The following SUPT3H variants were observed in gnomAD, a reference collection of about 807,000 sequenced individuals.
The protein encoded by SUPT3H is SPT3 homolog, SAGA and STAGA complex component.
A neutral mutation model predicts 44.3 loss-of-function variants in SUPT3H; 44 were observed. That is an observed-to-expected ratio of 0.99 (90% CI 0.78 to 1.28). SUPT3H has a LOEUF of 1.28. Ranked by LOEUF, SUPT3H falls within the 50% of genes most tolerant of loss-of-function variation. SUPT3H has a pLI of 0.00. For missense variants in SUPT3H, 380 were observed against 387.1 expected (o/e 0.98, Z 0.15); for synonymous variants, 124 against 125.6 (o/e 0.99, Z 0.09).
intron 5 of SUPT3H, among the ~76,000 whole-genome samples, chr6:45,004,255 G>A (rs1391521158): frequency 6.6e-6 from 1 of 151,544 alleles, no homozygotes; most frequent in East Asian, 1.9e-4. Context: ...AAGGAGACAG[G>A]GTGAAATACT....
At chr6:45,302,841 GCAC>G (rs1327868363) in intron 2 of SUPT3H, among the ~76,000 whole-genome samples, 1 of 151,952 alleles carries the variant, frequency 6.6e-6, no homozygotes, top group Non-Finnish European at 1.5e-5. Context: ...CACATCCATG[GCAC>G]CATCTATTAA....
At chr6:44,868,537 G>A (rs551154681) in intron 10 of SUPT3H, among the ~76,000 whole-genome samples, 17 of 143,850 alleles carry the variant, frequency 1.2e-4, no homozygotes, top group Non-Finnish European at 2.5e-4. Context: ...GTCCTGTCTT[G>A]TCCATTTTGT....
intron 2 of SUPT3H, among the ~76,000 whole-genome samples, chr6:45,332,931 C>T (rs1023094548): frequency 1.3e-4 from 19 of 151,610 alleles, no homozygotes; most frequent in African/African-American, 3.6e-4. Flanking sequence ...TACCAATGAA[C>T]GCTGCAACTT....
At chr6:44,991,824 C>A (rs1380263484) in intron 6 of SUPT3H, among the ~76,000 whole-genome samples, 1 of 152,016 alleles carries the variant, frequency 6.6e-6, no homozygotes, top group African/African-American at 2.4e-5. Context: ...CTGTTAATTC[C>A]ACTAAATAAA....
intron 2 of SUPT3H, among the ~76,000 whole-genome samples, chr6:45,146,769 C>T (rs1467005834): frequency 2.0e-5 from 3 of 152,012 alleles, no homozygotes; most frequent in Non-Finnish European, 4.4e-5. Context: ...CTAACTCACA[C>T]CTGAATCTGG....
chr6:44,932,873 G>GA lies in SUPT3H; in HGVS notation c.802-111dup, dbSNP rs1185284194. On this transcript the variant is annotated intron_variant, in intron 9 of 10. Transcript: ENST00000371459. ...CAAAAGAGACCGGTTTTTCCCTTAG[G>GA]ATGCACATCACTACTGCCATATACT... is the stretch of plus-strand genomic sequence containing the variant. 4.4e-5 allele frequency: 26 copies of GA among 592,336 alleles called. No individual in the cohort carries two copies. The East Asian group carries it at 7.6e-4, about 17-fold the overall frequency. The allele number at this position is 592,336 out of a possible 1,614,324, so 36.7% of individuals were successfully genotyped here.
At position 44,932,697 on chromosome 6, in the gene SUPT3H, T is replaced by C. The variant is rs144405071; in HGVS notation, c.868A>G (p.Ile290Val). 335 of 1,612,020 alleles carry C rather than the reference T, an allele frequency of 2.1e-4. No homozygotes were observed. The African/African-American group carries it at 2.9e-3, about 14-fold the overall frequency. ...CCAATCCTGTGGCTGTAGCGTCGAA[T>C]GGCCTCTCTGATGTGGCAGGGCTGG... is the stretch of plus-strand genomic sequence containing the variant. ...AIQPCHIREA[I>V]RRYSHRIGPL... The change falls in exon 10 of 11, where the codon ATT (isoleucine) becomes GTT (valine). Residue 290 changes from isoleucine (I) to valine (V), a missense_variant. Physicochemically the swap from Ile to Val is conservative, Grantham distance 29. Coordinates refer to ENST00000371459, the MANE Select transcript of SUPT3H (RefSeq NM_003599.4).
intron 2 of SUPT3H, among the ~76,000 whole-genome samples, chr6:45,314,747 T>C (rs1220526092): frequency 6.6e-6 from 1 of 151,942 alleles, no homozygotes; most frequent in African/African-American, 2.4e-5. Flanking sequence ...GCAATCCCCA[T>C]CAAAATAGCA....
At chr6:45,077,271 T>C (rs1016676387) in intron 3 of SUPT3H, among the ~76,000 whole-genome samples, 1 of 152,076 alleles carries the variant, frequency 6.6e-6, no homozygotes, top group Non-Finnish European at 1.5e-5. Flanking sequence ...ATCCTCTCTA[T>C]TGAGATAGAA....
At chr6:45,263,934 A>G (rs887723419) in intron 2 of SUPT3H, among the ~76,000 whole-genome samples, 1 of 152,154 alleles carries the variant, frequency 6.6e-6, no homozygotes, top group Non-Finnish European at 1.5e-5. Flanking sequence ...CTGATCAGTA[A>G]CTTGTACTTA....
intron 2 of SUPT3H, among the ~76,000 whole-genome samples, chr6:45,246,279 T>A (rs1771329149): frequency 6.6e-6 from 1 of 152,192 alleles, no homozygotes. Flanking sequence ...ATTTTAATGA[T>A]GTCTAATTTT....
chr6:45,141,271 C>T (rs1349492612), intron 2 of SUPT3H, among the ~76,000 whole-genome samples: 5 of 119,126 alleles, frequency 4.2e-5, no homozygotes, highest in African/African-American at 1.6e-4. Context: ...ACCCGGGAGG[C>T]GAAGGTTGCA....
Position 45,236,742 on chromosome 6 carries a change from C to A in SUPT3H, c.101+128459G>T, listed in dbSNP as rs114678580. Among the ~76,000 whole-genome samples, 331 of 151,578 alleles carry A rather than the reference C, an allele frequency of 2.2e-3. 1 individual carries two copies. Among genetic ancestry groups the A allele is most frequent in the African/African-American group, 7.5e-3 (309 of 41,256 alleles). On this transcript the variant is annotated intron_variant, in intron 2 of 10. Coordinates refer to ENST00000371459, the MANE Select transcript of SUPT3H (RefSeq NM_003599.4). ...TTGGCAGTTTCCTGTTAGAATACACCCCCCGAGATCAACAGGGAAATATTA... is the reference window on the plus strand; with the variant it reads ...TTGGCAGTTTCCTGTTAGAATACACACCCCGAGATCAACAGGGAAATATTA...
intron 10 of SUPT3H, among the ~76,000 whole-genome samples, chr6:44,904,256 A>G (rs1273852672): frequency 2.6e-5 from 4 of 152,206 alleles, no homozygotes; most frequent in African/African-American, 9.6e-5. Flanking sequence ...ACATGATTGT[A>G]TATCTAGAAA....
chr6:45,276,455 G>A (rs540157069), intron 2 of SUPT3H, among the ~76,000 whole-genome samples: 1 of 152,224 alleles, frequency 6.6e-6, no homozygotes, highest in African/African-American at 2.4e-5. Context: ...GGGTCTGTGA[G>A]ATAGATTACA....
chr6:45,239,225 C>T (rs1439315585), intron 2 of SUPT3H, among the ~76,000 whole-genome samples: 4 of 152,186 alleles, frequency 2.6e-5, no homozygotes, highest in Non-Finnish European at 5.9e-5. Flanking sequence ...ACTTTATTTA[C>T]CCAACTGCAA....
chr6:45,349,277 A>C (rs1467120690), intron 2 of SUPT3H, among the ~76,000 whole-genome samples: 1 of 152,232 alleles, frequency 6.6e-6, no homozygotes, highest in Non-Finnish European at 1.5e-5. Flanking sequence ...CTTCCATTTA[A>C]TGAGTCCACT....
chr6:45,184,342 G>A (rs146491511), intron 2 of SUPT3H, among the ~76,000 whole-genome samples: 174 of 152,018 alleles, frequency 1.1e-3, no homozygotes, highest in African/African-American at 4.0e-3. Context: ...TTTTTTTATA[G>A]GAAAATAATC....
chr6:45,256,650 G>A (rs1773459253), intron 2 of SUPT3H, among the ~76,000 whole-genome samples: 1 of 151,804 alleles, frequency 6.6e-6, no homozygotes, highest in Non-Finnish European at 1.5e-5. Flanking sequence ...TCTGCTTTCT[G>A]TTGGTATAAA....
Sources: gnomAD v4.1 joint callset for allele counts (sites outside exome capture counted in the v4.1 genomes callset) on GRCh38, gnomAD v4.1.1 for gene constraint, MANE v1.5 for transcripts, NCBI Gene and HGNC (gene_info 2026-07-23, HGNC 2026-07-21) for gene names.